ATXN1: variants seen among roughly 807,000 people sequenced by gnomAD.
ATXN1 encodes the protein ataxin 1, also known as ataxin-1.
In ATXN1, 8 loss-of-function variants were observed where a neutral mutation model predicts 56.4. The ratio of observed to expected loss-of-function variants is 0.14; its 90% CI spans 0.08 to 0.26. The LOEUF (loss-of-function observed/expected upper bound fraction) is 0.26. Ranked by LOEUF, ATXN1 falls within the 10% of genes least tolerant of loss-of-function variation. The pLI is 1.00. For synonymous variants in ATXN1, 514 were observed against 494.6 expected (o/e 1.04, Z -0.52); for missense variants, 987 against 1,106.5 (o/e 0.89, Z 1.53).
rs560470786 is a variant in ATXN1 at position 16,559,939 on chromosome 6, G to A, written c.-361+25841C>T. Among the ~76,000 whole-genome samples, 4 of 152,142 alleles carry A rather than the reference G, an allele frequency of 2.6e-5. No homozygotes were observed. In the South Asian group the frequency reaches 8.3e-4, roughly 32 times the overall value. ...CAACTTTTCCCAAATAGAGGCATTT[G>A]GCTAAGCTTCCTGTACACATGTCTG... is the stretch of plus-strand genomic sequence containing the variant. On this transcript the variant is annotated intron_variant, in intron 4 of 7. Transcript: ENST00000436367.
intron 6 of ATXN1, among the ~76,000 whole-genome samples, chr6:16,406,164 A>G (rs1363593895): frequency 6.6e-6 from 1 of 152,028 alleles, no homozygotes; most frequent in African/African-American, 2.4e-5. Flanking sequence ...TCTCCCTATG[A>G]CTTTCCTTCA....
At chr6:16,503,656 T>G (rs4716075) in intron 5 of ATXN1, among the ~76,000 whole-genome samples, 1 of 151,966 alleles carries the variant, frequency 6.6e-6, no homozygotes, top group African/African-American at 2.4e-5. Flanking sequence ...CATAGTTATA[T>G]TCCAGCTTGG....
intron 3 of ATXN1, among the ~76,000 whole-genome samples, chr6:16,610,640 T>C (rs1028331171): frequency 2.0e-5 from 3 of 152,072 alleles, no homozygotes; most frequent in African/African-American, 7.2e-5. Context: ...ATGTATTTCA[T>C]AGAATATATT....
chr6:16,455,708 A>G (rs1387342584), intron 6 of ATXN1, among the ~76,000 whole-genome samples: 2 of 152,224 alleles, frequency 1.3e-5, no homozygotes, highest in Non-Finnish European at 2.9e-5. Context: ...CTAAAAACAA[A>G]TAAGCTTTCA....
At chr6:16,585,021 T>A (rs1229992121) in intron 4 of ATXN1, among the ~76,000 whole-genome samples, 1 of 151,624 alleles carries the variant, frequency 6.6e-6, no homozygotes, top group African/African-American at 2.4e-5. Flanking sequence ...CTGCTTGAGG[T>A]CACGAGTTTG....
intron 6 of ATXN1, among the ~76,000 whole-genome samples, chr6:16,346,583 G>A (rs1402286074): frequency 4.6e-5 from 7 of 152,244 alleles, no homozygotes; most frequent in East Asian, 1.9e-4. Flanking sequence ...TTGATTCAGT[G>A]TCATGTTAGA....
At chr6:16,345,832 A>C (rs1173372338) in intron 6 of ATXN1, among the ~76,000 whole-genome samples, 1 of 152,228 alleles carries the variant, frequency 6.6e-6, no homozygotes, top group African/African-American at 2.4e-5. Context: ...GCGGCCCAGC[A>C]CAAAGCCAAT....
intron 3 of ATXN1, among the ~76,000 whole-genome samples, chr6:16,591,450 T>A (rs1275728592): frequency 1.3e-5 from 2 of 152,232 alleles, no homozygotes; most frequent in Non-Finnish European, 2.9e-5. Flanking sequence ...ACTATTAATT[T>A]CATTACCATG....
At chr6:16,535,767 G>GT (rs1333811540) in intron 4 of ATXN1, among the ~76,000 whole-genome samples, 1 of 152,118 alleles carries the variant, frequency 6.6e-6, no homozygotes, top group Non-Finnish European at 1.5e-5. Context: ...TGTACAAAGA[G>GT]TAACTTTAAA....
rs183140153 is a variant in ATXN1, at chr6:16,381,932, A to G, written c.-160-53462T>C. 2.2e-3 allele frequency among the ~76,000 whole-genome samples: 341 copies of G among 152,392 alleles called. 1 individual carries two copies. The highest frequency in any genetic ancestry group is 4.0e-3 in the Non-Finnish European group (274 of 68,046). ...TCTATACTGATGTATGTCTACATTT[A>G]TAGATTTAGACATGGAGTTATACAG... On this transcript the variant is annotated intron_variant, in intron 6 of 7. Coordinates refer to ENST00000436367, the MANE Select transcript of ATXN1 (RefSeq NM_001128164.2).
At chr6:16,321,162 C>T (rs569044282) in intron 7 of ATXN1, among the ~76,000 whole-genome samples, 11 of 152,328 alleles carry the variant, frequency 7.2e-5, no homozygotes, top group African/African-American at 2.6e-4. Context: ...TTCCAAGCAG[C>T]TAACCTACTT....
At chr6:16,385,755 A>G (rs564381484) in intron 6 of ATXN1, among the ~76,000 whole-genome samples, 1 of 152,368 alleles carries the variant, frequency 6.6e-6, no homozygotes, top group Admixed American at 6.5e-5. Flanking sequence ...TCTCTATCTA[A>G]CATATCAATA....
At chr6:16,511,220 T>C (rs1034055125) in intron 5 of ATXN1, among the ~76,000 whole-genome samples, 1 of 151,850 alleles carries the variant, frequency 6.6e-6, no homozygotes, top group African/African-American at 2.4e-5. Context: ...GAGGAAGGGG[T>C]GGAAGCTGGG....
chr6:16,597,033 G>A (rs1487662239), intron 3 of ATXN1, among the ~76,000 whole-genome samples: 3 of 152,220 alleles, frequency 2.0e-5, no homozygotes, highest in Non-Finnish European at 2.9e-5. Context: ...TGTCCCACCT[G>A]CATCCCCCTC....
At chr6:16,472,594 T>G (rs1217708232) in intron 6 of ATXN1, among the ~76,000 whole-genome samples, 1 of 152,250 alleles carries the variant, frequency 6.6e-6, no homozygotes, top group Admixed American at 6.5e-5. Flanking sequence ...CTTTAAATTA[T>G]GAAGTCTCCT....
intron 6 of ATXN1, among the ~76,000 whole-genome samples, chr6:16,351,303 C>T (rs1761559693): frequency 6.6e-6 from 1 of 152,046 alleles, no homozygotes; most frequent in South Asian, 2.1e-4. Context: ...CAGTCTTTTC[C>T]TGATTGGCAG....
At chr6:16,351,951 G>C (rs1189346425) in intron 6 of ATXN1, among the ~76,000 whole-genome samples, 1 of 152,184 alleles carries the variant, frequency 6.6e-6, no homozygotes, top group East Asian at 1.9e-4. Flanking sequence ...GAACAGGTTA[G>C]TTTGGCCTTT....
chr6:16,330,390 CTTTT>C (rs60608169), intron 6 of ATXN1, among the ~76,000 whole-genome samples: 10 of 119,822 alleles, frequency 8.3e-5, no homozygotes, highest in South Asian at 5.2e-4. Flanking sequence ...TCCTTCCTTC[CTTTT>C]TTTTTTTTTT....
chr6:16,326,638 T>A lies in ATXN1; in HGVS notation c.1673A>T (p.Gln558Leu). Residue 558 changes from glutamine (Q) to leucine (L), a missense_variant, in exon 7 of 8, where the codon CAG becomes CTG. Transcript: ENST00000436367. This position sits in a 1 kb window ranked among gnomAD's most constrained non-coding sequence, Gnocchi z 6.6. ...VQAQIHLPVV[Q>L]SVASPAAAPP... Reference sequence around the variant, plus strand: ...AGCCGCCGCCGGGGAGGCCACGGACTGCACCACAGGCAGGTGGATCTGGGC... The same window carrying A: ...AGCCGCCGCCGGGGAGGCCACGGACAGCACCACAGGCAGGTGGATCTGGGC... The A allele has an allele frequency of 6.2e-7, 1 of 1,613,884 alleles. No homozygotes were observed. The highest frequency in any genetic ancestry group is 8.5e-7 in the Non-Finnish European group (1 of 1,180,024).
Sources: allele counts gnomAD v4.1 joint callset (sites outside exome capture counted in the v4.1 genomes callset), GRCh38; gene constraint gnomAD v4.1.1; non-coding constraint Gnocchi (gnomAD v3.1); transcripts MANE v1.5; gene names NCBI Gene and HGNC (gene_info 2026-07-23, HGNC 2026-07-21).